PDE7B: variants seen among roughly 807,000 people sequenced by gnomAD.
The protein encoded by PDE7B is phosphodiesterase 7B.
Under a neutral mutation model 56.2 loss-of-function variants are expected in PDE7B, and 29 were observed. The observed-to-expected ratio is 0.52, with a 90% CI of 0.38 to 0.70. The LOEUF (loss-of-function observed/expected upper bound fraction) is 0.70, where lower values mean the gene tolerates loss of function less well. Ranked by LOEUF, PDE7B falls within the 30% of genes least tolerant of loss-of-function variation. The probability of loss-of-function intolerance (pLI) is 0.00; values close to 1 mark genes in which losing one functional copy is unlikely to be tolerated. For missense variants in PDE7B, 490 were observed against 565.0 expected, an observed-to-expected ratio of 0.87 and a Z score of 1.35; for synonymous variants, 197 against 196.9, an observed-to-expected ratio of 1.00 and a Z score of 0.00.
In PDE7B at chr6:135,947,542, T is replaced by C. The variant is rs771263177; in HGVS notation, c.82+18T>C. On this transcript the variant is annotated intron_variant, in intron 2 of 12. Coordinates refer to ENST00000308191, the MANE Select transcript of PDE7B (RefSeq NM_018945.4). ...CATGCTGGGTAAGAAGGCTTCTCAT[T>C]TTAAATATATTAAGCATGTTGATGT... 1 of 1,559,214 alleles carries C rather than the reference T, an allele frequency of 6.4e-7. No homozygotes were observed. The highest frequency in any genetic ancestry group is 8.8e-7 in the Non-Finnish European group (1 of 1,130,278).
chr6:135,964,335 C>T (rs1188276447), intron 2 of PDE7B, among the ~76,000 whole-genome samples: 2 of 152,026 alleles, frequency 1.3e-5, no homozygotes, highest in East Asian at 3.9e-4. Context: ...GAACTCCTGA[C>T]CTCAGGTGAT....
chr6:136,003,825 A>G (rs960531147), intron 2 of PDE7B, among the ~76,000 whole-genome samples: 2 of 152,162 alleles, frequency 1.3e-5, no homozygotes, highest in Non-Finnish European at 2.9e-5. Flanking sequence ...CAATAGAAAA[A>G]GAGGGAATCT....
intron 2 of PDE7B, among the ~76,000 whole-genome samples, chr6:136,085,263 A>G (rs549376140): frequency 2.2e-3 from 339 of 152,374 alleles, no homozygotes; most frequent in African/African-American, 7.8e-3. Context: ...TGAGACAGGA[A>G]AAGAAAAATG....
intron 3 of PDE7B, among the ~76,000 whole-genome samples, chr6:136,112,039 A>C (rs1301394318): frequency 6.6e-6 from 1 of 152,118 alleles, no homozygotes; most frequent in Admixed American, 6.5e-5. Context: ...AACCCACACA[A>C]CTGCCATCCC....
chr6:136,016,275 T>C (rs1775975383), intron 2 of PDE7B, among the ~76,000 whole-genome samples: 1 of 152,222 alleles, frequency 6.6e-6, no homozygotes, highest in African/African-American at 2.4e-5. Flanking sequence ...CAACCTAGTA[T>C]CTGTACATGG....
chr6:136,001,464 C>A (rs971440645), intron 2 of PDE7B, among the ~76,000 whole-genome samples: 1 of 152,036 alleles, frequency 6.6e-6, no homozygotes, highest in Non-Finnish European at 1.5e-5. Context: ...AAAATTTAGA[C>A]AAATGTATAA....
intron 2 of PDE7B, among the ~76,000 whole-genome samples, chr6:135,966,371 T>C (rs1391291546): frequency 6.6e-6 from 1 of 150,824 alleles, no homozygotes; most frequent in African/African-American, 2.4e-5. Flanking sequence ...CTCAGGAAAC[T>C]AGTTTTACTA....
At chr6:136,114,141 C>T (rs1428214955) in intron 3 of PDE7B, among the ~76,000 whole-genome samples, 1 of 152,164 alleles carries the variant, frequency 6.6e-6, no homozygotes, top group East Asian at 1.9e-4. Context: ...TGTTAATTTG[C>T]TAATCTTGAT....
At chr6:135,899,493 A>C (rs1173455550) in intron 1 of PDE7B, among the ~76,000 whole-genome samples, 7 of 151,430 alleles carry the variant, frequency 4.6e-5, no homozygotes, top group Non-Finnish European at 1.0e-4. Flanking sequence ...AAAAACTGGC[A>C]TTAAATAATT....
intron 2 of PDE7B, chr6:136,038,100 G>C: frequency 1.5e-6 from 2 of 1,329,312 alleles, no homozygotes; most frequent in Non-Finnish European, 2.0e-6. Context: ...GGTTGTGCCA[G>C]GCTGGAGGAG....
chr6:135,961,283 G>GTGTGTGTGTA (rs1554269798), intron 2 of PDE7B, among the ~76,000 whole-genome samples: 5 of 104,312 alleles, frequency 4.8e-5, no homozygotes, highest in African/African-American at 1.5e-4. Context: ...GTGTGTGTAT[G>GTGTGTGTGTA]TGTGTGTGTG....
At chr6:136,017,415 A>G (rs1022939347) in intron 2 of PDE7B, among the ~76,000 whole-genome samples, 3 of 152,126 alleles carry the variant, frequency 2.0e-5, no homozygotes, top group African/African-American at 7.2e-5. Flanking sequence ...ATATGTATAC[A>G]TATGCCATGT....
intron 2 of PDE7B, among the ~76,000 whole-genome samples, chr6:136,026,777 G>T (rs1316122682): frequency 6.6e-6 from 1 of 152,194 alleles, no homozygotes; most frequent in East Asian, 1.9e-4. Context: ...TGGTACATAA[G>T]CATTCAAAGG....
chr6:136,031,705 C>G (rs896519994), intron 2 of PDE7B, among the ~76,000 whole-genome samples: 4 of 143,110 alleles, frequency 2.8e-5, no homozygotes, highest in Admixed American at 7.3e-5. Context: ...CGCCACTGCA[C>G]TCCAGCCTGG....
At chr6:136,055,943 G>GAGA (rs1776720587) in intron 2 of PDE7B, among the ~76,000 whole-genome samples, 1 of 152,202 alleles carries the variant, frequency 6.6e-6, no homozygotes, top group African/African-American at 2.4e-5. Context: ...GATAAGGAAG[G>GAGA]AGAAGAGGGG....
intron 1 of PDE7B, among the ~76,000 whole-genome samples, chr6:135,864,311 T>G (rs1013229056): frequency 6.6e-6 from 1 of 152,158 alleles, no homozygotes; most frequent in Admixed American, 6.6e-5. Context: ...TATATATTAT[T>G]ATGGTTTCTT....
intron 2 of PDE7B, among the ~76,000 whole-genome samples, chr6:135,980,460 G>C (rs1775275305): frequency 1.3e-5 from 2 of 151,248 alleles, no homozygotes; most frequent in Admixed American, 1.3e-4. Context: ...TTAAACTAAA[G>C]AGCTTCTGCA....
intron 8 of PDE7B, among the ~76,000 whole-genome samples, chr6:136,171,807 G>T (rs1282416451): frequency 2.9e-4 from 36 of 122,906 alleles, no homozygotes; most frequent in African/African-American, 9.6e-4. Context: ...CCCACAACAG[G>T]CCCTGGTGTG....
rs117811745 is a variant in PDE7B at position 136,130,771 on chromosome 6, T to G, written c.167-16580T>G. On this transcript the variant is annotated intron_variant, in intron 3 of 12. Coordinates refer to ENST00000308191, the MANE Select transcript of PDE7B (RefSeq NM_018945.4). ...AATTTATAAAGAAAAAGAGGTTTAATGGACTCAGTTCTACATGGCTGGGGA... is the reference window on the plus strand; with the variant it reads ...AATTTATAAAGAAAAAGAGGTTTAAGGGACTCAGTTCTACATGGCTGGGGA... Among the ~76,000 whole-genome samples the G allele has an allele frequency of 9.9e-4, 151 of 152,270 alleles. No homozygotes were observed. The East Asian group carries it at 0.019, about 19-fold the overall frequency.
Sources: gnomAD v4.1 joint callset for allele counts (sites outside exome capture counted in the v4.1 genomes callset) on GRCh38, gnomAD v4.1.1 for gene constraint, MANE v1.5 for transcripts, NCBI Gene and HGNC (gene_info 2026-07-23, HGNC 2026-07-21) for gene names.